The following NR2F1-AS1 variants were observed in gnomAD, a reference collection of about 807,000 sequenced individuals.
NR2F1-AS1 encodes NR2F1 antisense RNA 1.
At chr5:93,517,199 G>T (rs1476754050) in intron 4 of NR2F1-AS1, among the ~76,000 whole-genome samples, 2 of 151,888 alleles carry the variant, frequency 1.3e-5, no homozygotes, top group East Asian at 3.9e-4. Flanking sequence ...GTAATTGTTT[G>T]ATACTTTCTT....
At chr5:93,490,561 G>GGTGATGGGA (rs1750815296) in intron 4 of NR2F1-AS1, among the ~76,000 whole-genome samples, 1 of 151,148 alleles carries the variant, frequency 6.6e-6, no homozygotes, top group South Asian at 2.1e-4. Flanking sequence ...TGGTCATGGT[G>GGTGATGGGA]GTGATGGGAG....
At chr5:93,422,213 C>G (rs536507079) in intron 4 of NR2F1-AS1, 1 of 152,416 alleles carries the variant, frequency 6.6e-6, no homozygotes, top group Non-Finnish European at 1.5e-5. Context: ...TCAAAATTAG[C>G]AACGACCCCC....
At chr5:93,539,670 G>C (rs1751909875) in intron 4 of NR2F1-AS1, among the ~76,000 whole-genome samples, 1 of 151,992 alleles carries the variant, frequency 6.6e-6, no homozygotes, top group Non-Finnish European at 1.5e-5. Context: ...ATTAGACAAG[G>C]GGAAAAAATT....
intron 4 of NR2F1-AS1, among the ~76,000 whole-genome samples, chr5:93,418,141 C>G (rs1749006860): frequency 6.6e-6 from 1 of 152,122 alleles, no homozygotes. Context: ...GTGGCAGAAG[C>G]AGATTTCAGG....
chr5:93,460,755 G>C (rs1213638020), intron 4 of NR2F1-AS1, among the ~76,000 whole-genome samples: 1 of 152,168 alleles, frequency 6.6e-6, no homozygotes, highest in Non-Finnish European at 1.5e-5. Flanking sequence ...CTGATCATTA[G>C]AGAAATGAAA....
chr5:93,484,339 T>C (rs1750670122), intron 4 of NR2F1-AS1, among the ~76,000 whole-genome samples: 1 of 152,188 alleles, frequency 6.6e-6, no homozygotes, highest in Non-Finnish European at 1.5e-5. Context: ...TAATTTCATA[T>C]CCAGCCAAAC....
intron 4 of NR2F1-AS1, chr5:93,543,481 T>G (rs1218988361): frequency 6.6e-6 from 1 of 152,108 alleles, no homozygotes; most frequent in Non-Finnish European, 1.5e-5. Flanking sequence ...CTCAATGTAT[T>G]GCATTTGCAG....
chr5:93,457,490 T>C (rs1448297800), intron 4 of NR2F1-AS1, among the ~76,000 whole-genome samples: 1 of 152,210 alleles, frequency 6.6e-6, no homozygotes, highest in African/African-American at 2.4e-5. Flanking sequence ...AAATAATTTT[T>C]CTTAGTACAG....
upstream of NR2F1-AS1, among the ~76,000 whole-genome samples, chr5:93,581,668 G>A (rs574971454): frequency 1.6e-4 from 5 of 32,124 alleles, no homozygotes; most frequent in South Asian, 5.3e-3. Flanking sequence ...CGGGGTCTCG[G>A]TCTCTCTCTC....
intron 2 of NR2F1-AS1, among the ~76,000 whole-genome samples, chr5:93,559,833 G>A (rs530033305): frequency 3.3e-5 from 5 of 152,132 alleles, no homozygotes; most frequent in African/African-American, 7.2e-5. Context: ...TACTAATATC[G>A]AAGATCACAG....
At chr5:93,515,730 A>T (rs1028096851) in intron 4 of NR2F1-AS1, among the ~76,000 whole-genome samples, 3 of 151,886 alleles carry the variant, frequency 2.0e-5, no homozygotes, top group African/African-American at 7.2e-5. Context: ...TGCAGTATAA[A>T]TTGGGCCTTA....
chr5:93,536,426 GA>G (rs201041610), intron 4 of NR2F1-AS1, among the ~76,000 whole-genome samples: 2 of 150,988 alleles, frequency 1.3e-5, no homozygotes, highest in African/African-American at 2.4e-5. Flanking sequence ...CATGGAAATA[GA>G]AAAAAAAATC....
At chr5:93,423,752 C>T (rs1378041991) in intron 4 of NR2F1-AS1, among the ~76,000 whole-genome samples, 1 of 152,160 alleles carries the variant, frequency 6.6e-6, no homozygotes, top group Non-Finnish European at 1.5e-5. Context: ...CTATTATATG[C>T]CAAGTACTAT....
chr5:93,506,670 C>T (rs1454278016), intron 4 of NR2F1-AS1, among the ~76,000 whole-genome samples: 1 of 152,258 alleles, frequency 6.6e-6, no homozygotes, highest in Non-Finnish European at 1.5e-5. Context: ...CATCATATTT[C>T]GTGAGACTTA....
At chr5:93,440,910 A>G (rs1749555136) in intron 4 of NR2F1-AS1, among the ~76,000 whole-genome samples, 2 of 152,204 alleles carry the variant, frequency 1.3e-5, no homozygotes, top group Admixed American at 6.5e-5. Context: ...TACAGCAACA[A>G]TGTAGATCAT....
intron 2 of NR2F1-AS1, among the ~76,000 whole-genome samples, chr5:93,559,733 G>T (rs2149918366): frequency 6.6e-6 from 1 of 152,326 alleles, no homozygotes; most frequent in South Asian, 2.1e-4. Context: ...AGGAATGGCT[G>T]ATCAGTGGAG....
At chr5:93,489,321 C>T (rs549068625) in intron 4 of NR2F1-AS1, among the ~76,000 whole-genome samples, 2 of 151,728 alleles carry the variant, frequency 1.3e-5, no homozygotes, top group African/African-American at 4.8e-5. Context: ...CCATCAACAT[C>T]TAGGAAAGAC....
At chr5:93,556,921 T>C (rs1271290578) in intron 2 of NR2F1-AS1, among the ~76,000 whole-genome samples, 1 of 152,226 alleles carries the variant, frequency 6.6e-6, no homozygotes, top group African/African-American at 2.4e-5. Flanking sequence ...AGGGAAACCA[T>C]GATTTCTTTT....
intron 4 of NR2F1-AS1, among the ~76,000 whole-genome samples, chr5:93,507,326 G>A (rs1317219814): frequency 8.4e-6 from 1 of 119,582 alleles, no homozygotes; most frequent in Non-Finnish European, 1.8e-5. Context: ...GGGATTTGGG[G>A]TTTTTTTTGT....
Sources: gnomAD v4.1 joint callset for allele counts (sites outside exome capture counted in the v4.1 genomes callset) on GRCh38, gnomAD v4.1.1 for gene constraint, MANE v1.5 for transcripts, NCBI Gene and HGNC (gene_info 2026-07-23, HGNC 2026-07-21) for gene names.